Variants in THSD4 observed in about 807,000 individuals in gnomAD.
THSD4 encodes thrombospondin type 1 domain containing 4, also known as thrombospondin type-1 domain-containing protein 4.
A neutral mutation model predicts 119.0 loss-of-function variants in THSD4; 69 were observed. The observed-to-expected ratio is 0.58, with a 90% confidence interval of 0.48 to 0.71. The LOEUF (loss-of-function observed/expected upper bound fraction) is 0.71, where lower values mean the gene tolerates loss of function less well. Among genes scored for constraint, THSD4 ranks in the 30% least tolerant of loss-of-function variants. The probability of loss-of-function intolerance (pLI) is 0.00; values close to 1 mark genes in which losing one functional copy is unlikely to be tolerated. For synonymous variants in THSD4, 524 were observed against 540.4 expected (o/e 0.97, Z 0.42); for missense variants, 1,393 against 1,391.1 (o/e 1.00, Z -0.02).
chr15:71,596,968 A>G (rs958206001), intron 7 of THSD4, among the ~76,000 whole-genome samples: 1 of 152,192 alleles, frequency 6.6e-6, no homozygotes, highest in Non-Finnish European at 1.5e-5. Context: ...AGCTTTAGGG[A>G]ACAGGGCTGG....
chr15:71,744,147 CTTTTT>C (rs56158827), intron 11 of THSD4, among the ~76,000 whole-genome samples: 5 of 102,762 alleles, frequency 4.9e-5, no homozygotes, highest in African/African-American at 1.7e-4. Context: ...ATTGAATCAG[CTTTTT>C]TTTTTTTTTT....
chr15:71,215,117 C>T lies in THSD4; in HGVS notation c.182C>T (p.Pro61Leu), dbSNP rs2043920482. 7.4e-7 allele frequency: 1 copy of T among 1,352,928 alleles called. No individual in the cohort carries two copies. Among genetic ancestry groups the T allele is most frequent in the East Asian group, 3.2e-5 (1 of 31,462 alleles). The allele number at this position is 1,352,928 out of a possible 1,614,324, so 83.8% of individuals were successfully genotyped here. A position where few individuals can be genotyped will look rare whatever the true frequency, so the allele number is the denominator to read the frequency against. ...CCGGGAGTGTGGGGCGCCTGGGGCC[C>T]CTGGTCGGCCTGCTCGCGTAGCTGC... ...GAPGVWGAWGPWSACSRSCSG... is the reference protein window; with the variant it reads ...GAPGVWGAWGLWSACSRSCSG... The change falls in exon 4 of 18, where the codon CCC becomes CTC. Residue 61 changes from proline to leucine, a missense_variant. Coordinates refer to ENST00000261862, the MANE Select transcript of THSD4 (RefSeq NM_024817.3).
intron 7 of THSD4, among the ~76,000 whole-genome samples, chr15:71,426,397 G>GTGTGTT (rs1555412516): frequency 0.1 from 12,635 of 124,616 alleles, 708 homozygotes; most frequent in Admixed American, 0.2. Context: ...GTGTGTGTGT[G>GTGTGTT]TGTGTGTGTT....
At chr15:71,472,504 A>G (rs1370510039) in intron 7 of THSD4, among the ~76,000 whole-genome samples, 1 of 152,020 alleles carries the variant, frequency 6.6e-6, no homozygotes, top group African/African-American at 2.4e-5. Context: ...TTGTGCTCTC[A>G]CTCATATTGC....
At chr15:71,107,782 G>A (rs1596201607) in intron 1 of THSD4, among the ~76,000 whole-genome samples, 1 of 152,302 alleles carries the variant, frequency 6.6e-6, no homozygotes, top group East Asian at 1.9e-4. Flanking sequence ...AATGGGGAAG[G>A]CACAGGACAT....
At chr15:71,676,406 T>G (rs1184758663) in intron 8 of THSD4, among the ~76,000 whole-genome samples, 1 of 152,058 alleles carries the variant, frequency 6.6e-6, no homozygotes. Context: ...CTCAGCCTCT[T>G]AAGTAGATGG....
At chr15:71,388,463 T>C (rs1381374815) in intron 6 of THSD4, among the ~76,000 whole-genome samples, 2 of 152,214 alleles carry the variant, frequency 1.3e-5, no homozygotes, top group African/African-American at 4.8e-5. Context: ...TCTACCAGAA[T>C]GTGTTCCTTA....
At chr15:71,482,314 G>T (rs895102842) in intron 7 of THSD4, among the ~76,000 whole-genome samples, 1 of 111,900 alleles carries the variant, frequency 8.9e-6, no homozygotes, top group Non-Finnish European at 1.9e-5. Flanking sequence ...TTTTTGAGAC[G>T]GAGTCTTGCT....
intron 7 of THSD4, among the ~76,000 whole-genome samples, chr15:71,619,480 G>A (rs1337458222): frequency 2.0e-5 from 3 of 152,126 alleles, no homozygotes; most frequent in South Asian, 4.1e-4. Context: ...GGAGAGTTAC[G>A]TTTGAGCAAA....
intron 6 of THSD4, among the ~76,000 whole-genome samples, chr15:71,402,631 C>T (rs1426163066): frequency 6.6e-6 from 1 of 152,134 alleles, no homozygotes; most frequent in Non-Finnish European, 1.5e-5. Context: ...CAGGGTGGGC[C>T]TTTGTACCAG....
intron 7 of THSD4, among the ~76,000 whole-genome samples, chr15:71,576,675 C>G (rs1005101063): frequency 2.0e-5 from 3 of 152,176 alleles, no homozygotes; most frequent in Non-Finnish European, 4.4e-5. Flanking sequence ...AAGTGATTCT[C>G]CTGCCTCAGT....
chr15:71,514,515 C>T (rs923515528), intron 7 of THSD4, among the ~76,000 whole-genome samples: 1 of 152,132 alleles, frequency 6.6e-6, no homozygotes, highest in Non-Finnish European at 1.5e-5. Context: ...GTGTGTTTGG[C>T]CTCTTTTGAT....
At chr15:71,753,607 G>T in intron 14 of THSD4, among the ~76,000 whole-genome samples, 1 of 152,216 alleles carries the variant, frequency 6.6e-6, no homozygotes. Context: ...TCAATTACGA[G>T]TCATGTCCTC....
intron 7 of THSD4, among the ~76,000 whole-genome samples, chr15:71,494,557 G>A (rs2047980277): frequency 7.3e-6 from 1 of 136,628 alleles, no homozygotes; most frequent in Non-Finnish European, 1.6e-5. Context: ...CACCCCCACC[G>A]CCACCACACG....
At chr15:71,208,515 A>T (rs1225766411) in intron 3 of THSD4, among the ~76,000 whole-genome samples, 12 of 149,328 alleles carry the variant, frequency 8.0e-5, no homozygotes, top group African/African-American at 2.0e-4. Context: ...TTTCTTTTTT[A>T]TTTTTTTTTA....
intron 8 of THSD4, among the ~76,000 whole-genome samples, chr15:71,722,944 G>T (rs554423634): frequency 6.6e-6 from 1 of 152,114 alleles, no homozygotes; most frequent in African/African-American, 2.4e-5. Flanking sequence ...AATGTATAAT[G>T]GAATTCTTTC....
chr15:71,577,737 T>TATTTTATTTTATTTC (rs58028304), intron 7 of THSD4, among the ~76,000 whole-genome samples: 1 of 150,550 alleles, frequency 6.6e-6, no homozygotes, highest in African/African-American at 2.4e-5. Flanking sequence ...TATTTTATTT[T>TATTTTATTTTATTTC]TGAGACGGAG....
intron 7 of THSD4, among the ~76,000 whole-genome samples, chr15:71,558,554 A>G (rs1048874377): frequency 6.6e-6 from 1 of 152,072 alleles, no homozygotes; most frequent in East Asian, 1.9e-4. Flanking sequence ...ATACAGCCTC[A>G]ACCTCCTGGG....
chr15:71,458,397 A>G (rs1326640264), intron 7 of THSD4, among the ~76,000 whole-genome samples: 1 of 152,200 alleles, frequency 6.6e-6, no homozygotes, highest in African/African-American at 2.4e-5. Context: ...ATCAAAGGCA[A>G]CATACTTCCC....
Sources: allele counts gnomAD v4.1 joint callset (sites outside exome capture counted in the v4.1 genomes callset), GRCh38; gene constraint gnomAD v4.1.1; transcripts MANE v1.5; gene names NCBI Gene and HGNC (gene_info 2026-07-23, HGNC 2026-07-21).